The following UTP4 variants were observed in gnomAD, a reference collection of about 807,000 sequenced individuals.
UTP4 encodes the protein UTP4 small subunit processome component.
In UTP4, 45 loss-of-function variants were observed where a neutral mutation model predicts 82.4. The ratio of observed to expected loss-of-function variants is 0.55; its 90% CI spans 0.43 to 0.70. UTP4 has a LOEUF of 0.70. Ranked by LOEUF, UTP4 falls within the 30% of genes least tolerant of loss-of-function variation. The pLI, the probability that UTP4 is intolerant of heterozygous loss-of-function variation, is 0.00. For synonymous variants in UTP4, 348 were observed against 300.3 expected (o/e 1.16, Z -1.64); for missense variants, 819 against 858.3 (o/e 0.95, Z 0.57).
In UTP4 at chr16:69,133,612, G is replaced by T. The variant is rs1318308323; in HGVS notation, c.153G>T (p.Gln51His). The change falls in exon 2 of 17, where the codon CAG becomes CAT. Residue 51 changes from glutamine to histidine, a missense_variant. Physicochemically the swap from Gln to His is conservative, Grantham distance 24 (BLOSUM62 0). Coordinates refer to ENST00000314423, the MANE Select transcript of UTP4 (RefSeq NM_032830.3). ...ATAACTTGTCAGCAAACTACTTTCA[G>T]GAGAAAGTAAGTCATTTGGGAGTCT... ...EIYNLSANYFQEKFFPGHESR... is the reference protein window; with the variant it reads ...EIYNLSANYFHEKFFPGHESR... 6.2e-7 allele frequency: 1 copy of T among 1,613,862 alleles called. No homozygotes were observed. Among genetic ancestry groups the T allele is most frequent in the Non-Finnish European group, 8.5e-7 (1 of 1,179,888 alleles).
chr16:69,140,073 G>A (rs1228579400), intron 5 of UTP4, among the ~76,000 whole-genome samples, 159 bp downstream of exon 5: 1 of 152,094 alleles, frequency 6.6e-6, no homozygotes, highest in Non-Finnish European at 1.5e-5. Context: ...TCCTTTCTTG[G>A]ATTACTACCA....
chr16:69,160,412 G>T lies in UTP4; in HGVS notation c.1501G>T (p.Ala501Ser). The T allele has an allele frequency of 6.2e-7, 1 of 1,614,106 alleles. No individual in the cohort carries two copies. Among genetic ancestry groups the T allele is most frequent in the South Asian group, 1.1e-5 (1 of 91,078 alleles). Reference protein sequence around the residue: ...AVSPDGNWLAASGTSAGVHVY... With the variant: ...AVSPDGNWLASSGTSAGVHVY... ...CAGTCCAGATGGGAATTGGCTAGCT[G>T]CATCAGGTACCAGTGCTGGAGTCCA... is the stretch of plus-strand genomic sequence containing the variant. Residue 501 changes from alanine to serine, a missense_variant, in exon 13 of 17, where the codon GCA (alanine) becomes TCA (serine). Physicochemically the swap from Ala to Ser is moderately conservative, Grantham distance 99 (BLOSUM62 1). Coordinates refer to ENST00000314423, the MANE Select transcript of UTP4 (RefSeq NM_032830.3).
Position 69,143,236 on chromosome 16 carries a change from G to T in UTP4, c.585G>T (p.Lys195Asn), listed in dbSNP as rs1180676948. The change falls in exon 6 of 17, where the codon AAG becomes AAT. Residue 195 changes from lysine to asparagine, a missense_variant. Coordinates refer to ENST00000314423, the MANE Select transcript of UTP4 (RefSeq NM_032830.3). ...AGTATATGGGCGTGTCTAAGCGGAA[G>T]TGCATCGTGTGGGGTGTCGCCTTCT... ...DRQYMGVSKR[K>N]CIVWGVAFLS... 1.2e-6 allele frequency: 2 copies of T among 1,614,252 alleles called. No individual in the cohort carries two copies. The highest frequency in any genetic ancestry group is 1.7e-6 in the Non-Finnish European group (2 of 1,180,044).
chr16:69,137,123 CTG>C (rs1962832992), intron 3 of UTP4, among the ~76,000 whole-genome samples: 4 of 152,210 alleles, frequency 2.6e-5, no homozygotes, highest in Admixed American at 2.0e-4. Context: ...ATTTCCCAAA[CTG>C]TGTTCTGTGG....
intron 9 of UTP4, among the ~76,000 whole-genome samples, chr16:69,154,058 C>T (rs753278638): frequency 6.6e-6 from 1 of 152,120 alleles, no homozygotes; most frequent in Admixed American, 6.5e-5. Context: ...ATTGGAGTGA[C>T]AGCCTAGTGG....
intron 14 of UTP4, 147 bp downstream of exon 14, chr16:69,163,325 C>A (rs577331923): frequency 2.9e-6 from 2 of 700,210 alleles, no homozygotes; most frequent in Non-Finnish European, 5.1e-6. Context: ...GCTTCCTTGC[C>A]GGTCTGGGCT....
chr16:69,157,343 C>A, intron 12 of UTP4, 103 bp downstream of exon 12: 1 of 1,112,194 alleles, frequency 9.0e-7, no homozygotes. Flanking sequence ...TTCCTCCTAC[C>A]CTGCAGATAC....
At chr16:69,137,992 C>CTACTGGG in intron 4 of UTP4, 107 bp downstream of exon 4, 2 of 771,340 alleles carry the variant, frequency 2.6e-6, no homozygotes, top group South Asian at 2.9e-5. Context: ...TATTTTATCT[C>CTACTGGG]TACTGGGTAC....
intron 9 of UTP4, 21 bp from the exon 10 acceptor site, chr16:69,154,372 C>T: frequency 6.3e-7 from 1 of 1,587,230 alleles, no homozygotes; most frequent in Middle Eastern, 1.7e-4. Flanking sequence ...AGAAAAATCT[C>T]AGGGAAGTTT....
chr16:69,146,638 A>G (rs1314708883), intron 6 of UTP4, among the ~76,000 whole-genome samples: 1 of 152,010 alleles, frequency 6.6e-6, no homozygotes, highest in Non-Finnish European at 1.5e-5. Flanking sequence ...AGGCGGGTGG[A>G]TCAGTTGAGG....
intron 10 of UTP4, 145 bp from the exon 11 acceptor site, chr16:69,155,725 AT>A: frequency 1.2e-6 from 1 of 853,452 alleles, no homozygotes; most frequent in Non-Finnish European, 2.0e-6. Flanking sequence ...AAATAATCAT[AT>A]TAATGCAGAC....
intron 3 of UTP4, among the ~76,000 whole-genome samples, chr16:69,137,344 T>A (rs1962837333): frequency 6.6e-6 from 1 of 152,230 alleles, no homozygotes; most frequent in Non-Finnish European, 1.5e-5. Flanking sequence ...ACTGAGCCCC[T>A]TCCCATAATT....
At position 69,153,632 on chromosome 16, in the gene UTP4, T is replaced by C; in HGVS notation, c.1051T>C (p.Phe351Leu). ...SKKRQLLLFQ[F>L]AHHLELWRLG... ...AAAGAGGCAGCTTCTCCTCTTCCAG[T>C]TTGCTCATCACTTAGAACTTTGGCG... Residue 351 changes from phenylalanine to leucine, a missense_variant, in exon 9 of 17, where the codon TTT (phenylalanine) becomes CTT (leucine). Physicochemically the swap from Phe to Leu is conservative, Grantham distance 22 (BLOSUM62 0). Transcript: ENST00000314423. 1.2e-6 allele frequency: 2 copies of C among 1,613,670 alleles called. No individual in the cohort carries two copies. The highest frequency in any genetic ancestry group is 1.1e-5 in the South Asian group (1 of 90,896).
rs759129407 is a variant in UTP4, at chr16:69,163,187, GA to G, written c.1647+10del. ...CTCATTCGGACCAGCAGGTAAGGGAGATTCCAGTGCTTTCTATTCCCTTCCT... is the reference window on the plus strand; with the variant it reads ...CTCATTCGGACCAGCAGGTAAGGGAGTTCCAGTGCTTTCTATTCCCTTCCT... On this transcript the variant is annotated intron_variant, in intron 14 of 16. Transcript: ENST00000314423. 6.2e-7 allele frequency: 1 copy of G among 1,600,794 alleles called. No individual in the cohort carries two copies. The highest frequency in any genetic ancestry group is 8.6e-7 in the Non-Finnish European group (1 of 1,167,858).
chr16:69,157,317 C>G, intron 12 of UTP4, 77 bp downstream of exon 12: 1 of 1,447,132 alleles, frequency 6.9e-7, no homozygotes, highest in Non-Finnish European at 9.5e-7. Context: ...GCCTCCATGT[C>G]GGGGGTTCCC....
chr16:69,132,654 G>C lies in UTP4; in HGVS notation c.-38G>C, dbSNP rs900855225. ...CGCGCACGTGGGGCCGGGGCGGAGA[G>C]AGGCGAGCACCGGGAAGGGGAGCGT... On this transcript the variant is annotated 5_prime_UTR_variant, in exon 1 of 17. Transcript: ENST00000314423. 7.9e-5 allele frequency: 29 copies of C among 366,266 alleles called. 1 individual carries two copies. The highest frequency in any genetic ancestry group is 4.8e-4 in the African/African-American group (21 of 43,784). 22.7% of individuals were successfully genotyped at this position (366,266 alleles called of 1,614,324 possible).
chr16:69,152,522 T>A (rs974253219), intron 8 of UTP4, among the ~76,000 whole-genome samples: 1 of 140,260 alleles, frequency 7.1e-6, no homozygotes, highest in Non-Finnish European at 1.5e-5. Context: ...CAGGCTGGAG[T>A]GTAGTAGTGA....
Position 69,150,803 on chromosome 16 carries a change from G to C in UTP4, c.911-10G>C, listed in dbSNP as rs1217532685. 2.5e-6 allele frequency: 4 copies of C among 1,613,742 alleles called. No individual in the cohort carries two copies. Among genetic ancestry groups the C allele is most frequent in the Non-Finnish European group, 3.4e-6 (4 of 1,179,658 alleles). ...TCTAATTCTGTACACCTTCTCCCCT[G>C]CTTTCCCAGGCACTGACACCCACTT... On this transcript the variant is annotated splice_polypyrimidine_tract_variant and intron_variant, in intron 7 of 16. Coordinates refer to ENST00000314423, the MANE Select transcript of UTP4 (RefSeq NM_032830.3).
Position 69,167,170 on chromosome 16 carries a change from T to A in UTP4, c.1929T>A (p.Ile643=), listed in dbSNP as rs1488384073. The change falls in exon 16 of 17, where the codon ATT becomes ATA. Residue 643 remains isoleucine (I), a synonymous_variant. Transcript: ENST00000314423. The stretch of plus-strand genomic sequence containing the variant: ...GGCGCACAGCTCATGCTTTTAAAAT[T>A]TCTAAGATATATAAGGTAAAACATC... The part of the protein sequence containing the change: ...IRRRTAHAFK[I]SKIYKPLLFM... 6.2e-7 allele frequency: 1 copy of A among 1,605,830 alleles called. No individual in the cohort carries two copies.
Sources: gnomAD v4.1 joint callset for allele counts (sites outside exome capture counted in the v4.1 genomes callset) on GRCh38, gnomAD v4.1.1 for gene constraint, MANE v1.5 for transcripts, NCBI Gene and HGNC (gene_info 2026-07-23, HGNC 2026-07-21) for gene names.